PHF24: variants seen among roughly 807,000 people sequenced by gnomAD.
PHF24 encodes Galpha inhibitory interacting protein.
A neutral mutation model predicts 42.6 loss-of-function variants in PHF24; 25 were observed. The ratio of observed to expected loss-of-function variants is 0.59; its 90% CI spans 0.43 to 0.82. The LOEUF is 0.82. Ranked by LOEUF, PHF24 falls within the 40% of genes least tolerant of loss-of-function variation. The pLI is 0.00. For synonymous variants in PHF24, 185 were observed against 204.8 expected (o/e 0.90, Z 0.83); for missense variants, 470 against 538.1 (o/e 0.87, Z 1.25).
chr9:34,836,398 C>T, the PHF24 span, among the ~76,000 whole-genome samples: 1 of 152,102 alleles, frequency 6.6e-6, no homozygotes, highest in African/African-American at 2.4e-5. Flanking sequence ...GGGGCATAAC[C>T]AGGAATATCA....
chr9:34,705,756 TA>T, the PHF24 span, among the ~76,000 whole-genome samples: 1 of 152,142 alleles, frequency 6.6e-6, no homozygotes, highest in African/African-American at 2.4e-5. Flanking sequence ...TTTATGGTTT[TA>T]TGACTTGTTT....
chr9:34,922,681 T>C, the PHF24 span: 1 of 1,326,902 alleles, frequency 7.5e-7, no homozygotes, highest in South Asian at 1.2e-5. Flanking sequence ...CTCTGTATTC[T>C]TGAGCCATCT....
the PHF24 span, among the ~76,000 whole-genome samples, chr9:34,819,617 C>T: frequency 6.6e-6 from 1 of 152,048 alleles, no homozygotes; most frequent in South Asian, 2.1e-4. Flanking sequence ...TTCCAGATAT[C>T]TTTCTGCCAC....
the PHF24 span, among the ~76,000 whole-genome samples, chr9:34,787,501 C>T: frequency 1.3e-5 from 2 of 152,114 alleles, no homozygotes; most frequent in African/African-American, 4.8e-5. Flanking sequence ...ATAAAATTAA[C>T]TTTTTCAGGG....
At chr9:34,706,162 A>G in the PHF24 span, among the ~76,000 whole-genome samples, 1 of 152,072 alleles carries the variant, frequency 6.6e-6, no homozygotes, top group Non-Finnish European at 1.5e-5. Context: ...GTAATATGTG[A>G]TAATACATAT....
chr9:34,949,262 GATAA>G, the PHF24 span, among the ~76,000 whole-genome samples: 1 of 152,182 alleles, frequency 6.6e-6, no homozygotes, highest in Non-Finnish European at 1.5e-5. Context: ...ATTTCTAGGT[GATAA>G]ATAGAGAAAT....
At chr9:34,884,206 G>A in the PHF24 span, among the ~76,000 whole-genome samples, 3 of 152,160 alleles carry the variant, frequency 2.0e-5, no homozygotes, top group African/African-American at 7.2e-5. Flanking sequence ...CACACACCAG[G>A]GTCTGTCATG....
the PHF24 span, chr9:34,729,385 AG>A: frequency 6.4e-7 from 1 of 1,551,548 alleles, no homozygotes; most frequent in African/African-American, 1.4e-5. Context: ...TAGATGTATA[AG>A]GGATATCCAA....
chr9:34,727,127 T>C, the PHF24 span: 1 of 1,416,634 alleles, frequency 7.1e-7, no homozygotes, highest in South Asian at 1.5e-5. Context: ...CCTGTCTGCT[T>C]TCCTTGCTAA....
the PHF24 span, among the ~76,000 whole-genome samples, chr9:34,848,915 G>A: frequency 6.6e-6 from 1 of 152,132 alleles, no homozygotes; most frequent in Non-Finnish European, 1.5e-5. Flanking sequence ...GCGGTTTTGA[G>A]TGAGTTTCTT....
At chr9:34,707,562 G>A in the PHF24 span, among the ~76,000 whole-genome samples, 2 of 152,118 alleles carry the variant, frequency 1.3e-5, no homozygotes, top group South Asian at 4.1e-4. Context: ...CAGGGGAGAG[G>A]CCCTGTCTTC....
At chr9:34,680,605 G>T in the PHF24 span, among the ~76,000 whole-genome samples, 1 of 139,744 alleles carries the variant, frequency 7.2e-6, no homozygotes, top group African/African-American at 2.6e-5. Context: ...GGAGAATGGC[G>T]TGAACCCGGG....
the PHF24 span, among the ~76,000 whole-genome samples, chr9:34,695,833 T>A: frequency 6.6e-6 from 1 of 152,130 alleles, no homozygotes; most frequent in Non-Finnish European, 1.5e-5. Context: ...GAGTGTGCTA[T>A]CTGTTTCCTG....
chr9:34,838,045 C>T, the PHF24 span, among the ~76,000 whole-genome samples: 1 of 152,220 alleles, frequency 6.6e-6, no homozygotes, highest in Non-Finnish European at 1.5e-5. Flanking sequence ...GGGCCACCAA[C>T]CAAAAAAATC....
the PHF24 span, among the ~76,000 whole-genome samples, chr9:34,683,066 T>TC: frequency 0.038 from 50 of 1,322 alleles, no homozygotes; most frequent in Non-Finnish European, 0.34. Flanking sequence ...TCTTTCTCTC[T>TC]TTTTTTTTTT....
exon 7 of PHF24, chr9:34,977,549 C>T (rs758271998): frequency 6.2e-7 from 1 of 1,607,068 alleles, no homozygotes; most frequent in South Asian, 1.1e-5. Flanking sequence ...CCAGCAGCAT[C>T]AGCCATGTGG....
chr9:34,882,778 G>C, the PHF24 span, among the ~76,000 whole-genome samples: 8 of 152,224 alleles, frequency 5.3e-5, no homozygotes, highest in South Asian at 1.7e-3. Context: ...CATGAAAATG[G>C]CCATACTGCC....
At chr9:34,937,003 C>T in the PHF24 span, among the ~76,000 whole-genome samples, 6 of 149,050 alleles carry the variant, frequency 4.0e-5, no homozygotes, top group African/African-American at 1.0e-4. Flanking sequence ...CCAGGCCAGC[C>T]GCCCCGTCCG....
chr9:34,879,388 C>A, the PHF24 span, among the ~76,000 whole-genome samples: 1 of 152,142 alleles, frequency 6.6e-6, no homozygotes, highest in Non-Finnish European at 1.5e-5. Context: ...AAGAAGGCTT[C>A]AGATGATAGG....
Sources: allele counts gnomAD v4.1 joint callset (sites outside exome capture counted in the v4.1 genomes callset), GRCh38; gene constraint gnomAD v4.1.1; transcripts MANE v1.5; gene names NCBI Gene and HGNC (gene_info 2026-07-23, HGNC 2026-07-21).